The following ANKS1A variants were observed in gnomAD, a reference collection of about 807,000 sequenced individuals.
The protein encoded by ANKS1A is ankyrin repeat and SAM domain-containing protein 1A.
ANKS1A carries 55 observed loss-of-function variants against 120.3 expected under a neutral mutation model. The observed-to-expected ratio is 0.46, with a 90% CI of 0.37 to 0.57. ANKS1A has a LOEUF of 0.57. Ranked by LOEUF, ANKS1A falls within the 20% of genes least tolerant of loss-of-function variation. The pLI is 0.00. For missense variants in ANKS1A, 1,123 were observed against 1,480.3 expected (o/e 0.76, Z 3.96); for synonymous variants, 590 against 604.7 (o/e 0.98, Z 0.36).
chr6:35,027,811 T>G (rs1441030537), intron 11 of ANKS1A, among the ~76,000 whole-genome samples: 1 of 152,210 alleles, frequency 6.6e-6, no homozygotes, highest in Non-Finnish European at 1.5e-5. Flanking sequence ...TCCCTTTTGA[T>G]GCTACCAGGT....
chr6:35,078,754 C>T (rs894636066), intron 14 of ANKS1A, 98 bp downstream of exon 14: 2 of 1,159,062 alleles, frequency 1.7e-6, no homozygotes, highest in Non-Finnish European at 2.5e-6. Flanking sequence ...AGGGCTCCAG[C>T]ACACGCACAT....
chr6:34,960,325 A>C (rs938089423), intron 1 of ANKS1A, among the ~76,000 whole-genome samples: 4 of 151,976 alleles, frequency 2.6e-5, no homozygotes, highest in African/African-American at 9.7e-5. Flanking sequence ...CCACATAGGC[A>C]TCATAGGATC....
At chr6:35,091,686 T>C (rs1237166014), downstream of ANKS1A, among the ~76,000 whole-genome samples, 1 of 152,230 alleles carries the variant, frequency 6.6e-6, no homozygotes, top group East Asian at 1.9e-4. Flanking sequence ...TAGTTACTGC[T>C]GCAGTGGCAT....
intron 11 of ANKS1A, among the ~76,000 whole-genome samples, chr6:35,045,385 G>A (rs181390129): frequency 6.6e-6 from 1 of 152,304 alleles, no homozygotes; most frequent in Admixed American, 6.5e-5. Context: ...GATCCCATGA[G>A]TGACGACTTT....
downstream of ANKS1A, among the ~76,000 whole-genome samples, chr6:35,094,503 T>C (rs1468030893): frequency 1.3e-5 from 2 of 150,164 alleles, no homozygotes; most frequent in Admixed American, 6.6e-5. Context: ...CTGACAAATA[T>C]TTTAAAGCAG....
intron 13 of ANKS1A, among the ~76,000 whole-genome samples, chr6:35,061,328 G>A (rs1776488248): frequency 1.3e-5 from 2 of 152,218 alleles, no homozygotes. Flanking sequence ...TGTGCTTTAT[G>A]TCACCTTCTA....
chr6:35,038,640 C>T (rs540000996), intron 11 of ANKS1A, among the ~76,000 whole-genome samples: 16 of 152,148 alleles, frequency 1.1e-4, no homozygotes, highest in Middle Eastern at 3.4e-3. Flanking sequence ...CGCCACCATG[C>T]GCGGCTGTTT....
chr6:34,982,684 T>G lies in ANKS1A; in HGVS notation c.733-68T>G. On this transcript the variant is annotated intron_variant, in intron 4 of 23. Transcript: ENST00000360359. The surrounding 1 kb of genome is among the most constrained non-coding windows in gnomAD (Gnocchi z 4.9). ...TGTGTCCCTTCTTGTCTGTGTCCCC[T>G]TTGTCACGTGAAGCCGCACCAAACT... The G allele has an allele frequency of 2.0e-6, 3 of 1,485,708 alleles. No individual in the cohort carries two copies. Among genetic ancestry groups the G allele is most frequent in the Non-Finnish European group, 2.8e-6 (3 of 1,063,148 alleles). 92.0% of individuals were successfully genotyped at this position (1,485,708 alleles called of 1,614,324 possible).
At chr6:35,029,817 C>G (rs923335476) in intron 11 of ANKS1A, among the ~76,000 whole-genome samples, 1 of 147,820 alleles carries the variant, frequency 6.8e-6, no homozygotes, top group Non-Finnish European at 1.5e-5. Context: ...TATTTGATTA[C>G]AAATCTATTT....
rs373813753 is a variant in ANKS1A at position 35,076,684 on chromosome 6, A to T, written c.2185-1874A>T. On this transcript the variant is annotated intron_variant, in intron 13 of 23. Coordinates refer to ENST00000360359, the MANE Select transcript of ANKS1A (RefSeq NM_015245.3). The stretch of plus-strand genomic sequence containing the variant: ...TACCCTGTCGCCCAGGCTAGAGTGC[A>T]GTGGCGTGATCTCGGCTCACTGTAA... 2.6e-5 allele frequency among the ~76,000 whole-genome samples: 4 copies of T among 152,138 alleles called. No homozygotes were observed. The South Asian group carries it at 8.3e-4, about 32-fold the overall frequency.
chr6:35,074,975 A>G (rs1777267603), intron 13 of ANKS1A, among the ~76,000 whole-genome samples: 1 of 152,244 alleles, frequency 6.6e-6, no homozygotes, highest in South Asian at 2.1e-4. Context: ...CCAAGTGTAA[A>G]GTAATGCCCA....
In ANKS1A at chr6:35,085,116, A is replaced by G. The variant is rs948762011; in HGVS notation, c.3133-650A>G. 3.9e-5 allele frequency among the ~76,000 whole-genome samples: 6 copies of G among 152,108 alleles called. No individual in the cohort carries two copies. The highest frequency in any genetic ancestry group is 8.8e-5 in the Non-Finnish European group (6 of 68,008). ...TCTGGGCCAGTGAAGGTTAGGAGGAACCAGGCTTTGCTGCTTGCTGGCTGT... is the reference window on the plus strand; with the variant it reads ...TCTGGGCCAGTGAAGGTTAGGAGGAGCCAGGCTTTGCTGCTTGCTGGCTGT... On this transcript the variant is annotated intron_variant, in intron 21 of 23. Transcript: ENST00000360359. The surrounding 1 kb of genome is among the most constrained non-coding windows in gnomAD (Gnocchi z 4.7).
chr6:35,092,721 C>T (rs1417829541), downstream of ANKS1A, among the ~76,000 whole-genome samples: 3 of 152,228 alleles, frequency 2.0e-5, no homozygotes, highest in African/African-American at 7.2e-5. Context: ...CTGGGACCAC[C>T]TTACACATTC....
At chr6:34,892,957 AG>A (rs1766895911) in intron 1 of ANKS1A, among the ~76,000 whole-genome samples, 1 of 152,242 alleles carries the variant, frequency 6.6e-6, no homozygotes, top group African/African-American at 2.4e-5. Context: ...ATATTTATTC[AG>A]GAACAGTATA....
At chr6:35,093,937 G>C (rs2689096), downstream of ANKS1A, among the ~76,000 whole-genome samples, 55,228 of 151,948 alleles carry the variant, frequency 0.36, 12,614 homozygotes, top group Middle Eastern at 0.49. Context: ...CTGGTGAAGA[G>C]ACAGAACGCT....
chr6:34,966,055 T>C (rs530566517), intron 1 of ANKS1A, among the ~76,000 whole-genome samples: 1 of 152,308 alleles, frequency 6.6e-6, no homozygotes, highest in East Asian at 1.9e-4. Context: ...TGTCATTGAT[T>C]CTTCAATATG....
Position 34,889,379 on chromosome 6 carries a change from G to A in ANKS1A, c.-24G>A. The A allele has an allele frequency of 8.0e-7, 1 of 1,257,746 alleles. No homozygotes were observed. The highest frequency in any genetic ancestry group is 3.2e-5 in the South Asian group (1 of 30,842). The allele number at this position is 1,257,746 out of a possible 1,614,324, so 77.9% of individuals were successfully genotyped here. ...GCTCGGCTGCAGCCTCGGGGAGGGGGTCCAGCGGGTGGCGGCCCTGGGGAT... is the reference window on the plus strand; with the variant it reads ...GCTCGGCTGCAGCCTCGGGGAGGGGATCCAGCGGGTGGCGGCCCTGGGGAT... On this transcript the variant is annotated 5_prime_UTR_variant, in exon 1 of 24. Transcript: ENST00000360359. This position sits in a 1 kb window ranked among gnomAD's most constrained non-coding sequence, Gnocchi z 5.5.
rs965417845 is a variant in ANKS1A at position 35,090,058 on chromosome 6, TCTGA to T, written c.*1453_*1456del. ...CAGAAATCAGAAGTGGGGCTGTGTCTCTGACTGGCTAGAGGCCAGGCCTTGTGGG... is the reference window on the plus strand; with the variant it reads ...CAGAAATCAGAAGTGGGGCTGTGTCTCTGGCTAGAGGCCAGGCCTTGTGGG... On this transcript the variant is annotated 3_prime_UTR_variant, in exon 24 of 24. Transcript: ENST00000360359. The T allele has an allele frequency of 1.0e-5, 13 of 1,260,770 alleles. No individual in the cohort carries two copies. The highest frequency in any genetic ancestry group is 2.2e-4 in the Middle Eastern group (1 of 4,556). 78.1% of individuals were successfully genotyped at this position (1,260,770 alleles called of 1,614,324 possible).
In ANKS1A at chr6:35,086,034, G is replaced by C; in HGVS notation, c.3303+98G>C. On this transcript the variant is annotated intron_variant, in intron 22 of 23. Transcript: ENST00000360359. The surrounding 1 kb of genome is among the most constrained non-coding windows in gnomAD (Gnocchi z 5.1). Reference sequence around the variant, plus strand: ...TGAGGAGGGTCTTCTGGCACTTCCAGAAAGCTGGCCCTCCAGGGAAATGAC... The same window carrying C: ...TGAGGAGGGTCTTCTGGCACTTCCACAAAGCTGGCCCTCCAGGGAAATGAC... 2.8e-6 allele frequency: 4 copies of C among 1,436,228 alleles called. No individual in the cohort carries two copies. The allele number at this position is 1,436,228 out of a possible 1,614,324, so 89.0% of individuals were successfully genotyped here. A position where few individuals can be genotyped will look rare whatever the true frequency, so the allele number is the denominator to read the frequency against.
Sources: allele counts gnomAD v4.1 joint callset (sites outside exome capture counted in the v4.1 genomes callset), GRCh38; gene constraint gnomAD v4.1.1; non-coding constraint Gnocchi (gnomAD v3.1); transcripts MANE v1.5; gene names NCBI Gene and HGNC (gene_info 2026-07-23, HGNC 2026-07-21).